SEMA4B: variants seen among roughly 807,000 people sequenced by gnomAD.
SEMA4B encodes semaphorin-4B.
A neutral mutation model predicts 88.1 loss-of-function variants in SEMA4B; 55 were observed. The observed-to-expected ratio is 0.62, with a 90% CI of 0.50 to 0.78. SEMA4B has a LOEUF of 0.78. SEMA4B is among the 30% of genes least tolerant of loss of function. SEMA4B has a pLI of 0.00. For synonymous variants in SEMA4B, 525 were observed against 473.6 expected (o/e 1.11, Z -1.41); for missense variants, 1,062 against 1,111.9 (o/e 0.96, Z 0.64).
At chr15:90,219,459 CTTGG>C (rs1961693409) in intron 3 of SEMA4B, 1 of 238,516 alleles carries the variant, frequency 4.2e-6, no homozygotes, top group South Asian at 7.3e-5. Flanking sequence ...CAGCTCCCAG[CTTGG>C]TTGGGAGGGG....
At chr15:90,189,096 G>A (rs1960270344) in intron 1 of SEMA4B, among the ~76,000 whole-genome samples, 1 of 151,962 alleles carries the variant, frequency 6.6e-6, no homozygotes, top group African/African-American at 2.4e-5. Context: ...CAAGAAATAT[G>A]TGTTGCATGA....
chr15:90,188,922 G>A (rs1465463690), intron 1 of SEMA4B, among the ~76,000 whole-genome samples: 4 of 152,130 alleles, frequency 2.6e-5, no homozygotes, highest in Non-Finnish European at 5.9e-5. Flanking sequence ...GCCCGCCTCA[G>A]CCTCCCAAAG....
chr15:90,195,924 C>CTTTTTTTTT (rs776885861), intron 1 of SEMA4B, among the ~76,000 whole-genome samples: 3 of 76,692 alleles, frequency 3.9e-5, no homozygotes, highest in African/African-American at 1.3e-4. Flanking sequence ...TTGTACTTCT[C>CTTTTTTTTT]TTTTTTTTTT....
At chr15:90,222,256 T>C (rs1471870216) in intron 7 of SEMA4B, among the ~76,000 whole-genome samples, 3 of 144,468 alleles carry the variant, frequency 2.1e-5, no homozygotes, top group African/African-American at 2.5e-5. Context: ...TTTCTTTTCT[T>C]TTTTTTTTTT....
chr15:90,206,907 C>T, intron 1 of SEMA4B: 3 of 685,222 alleles, frequency 4.4e-6, no homozygotes, highest in Non-Finnish European at 5.3e-6. Flanking sequence ...TAGTTAAGGA[C>T]TATGGCAAGG....
At chr15:90,209,826 C>T (rs1019584763) in intron 1 of SEMA4B, among the ~76,000 whole-genome samples, 4 of 68,560 alleles carry the variant, frequency 5.8e-5, no homozygotes, top group Admixed American at 1.6e-4. Context: ...CTGAACAGAC[C>T]GGAGATGAGA....
chr15:90,197,531 G>A (rs1001421876), upstream of SEMA4B, among the ~76,000 whole-genome samples: 4 of 145,418 alleles, frequency 2.8e-5, no homozygotes, highest in South Asian at 2.1e-4. Flanking sequence ...TCCGCCTCCC[G>A]GGTTCACGCC....
In SEMA4B at chr15:90,212,512, A is replaced by G. The variant is rs1250955409; in HGVS notation, c.158-4927A>G. ...GACACTCTTTGACACAAGGGAGAGC[A>G]TAAAAGCTTAAGACTGACCCCAAGG... On this transcript the variant is annotated intron_variant, in intron 1 of 13. Coordinates refer to ENST00000411539, the MANE Select transcript of SEMA4B (RefSeq NM_198925.4). The surrounding 1 kb of genome is among the most constrained non-coding windows in gnomAD (Gnocchi z 4.0). 6.6e-6 allele frequency among the ~76,000 whole-genome samples: 1 copy of G among 151,952 alleles called. No individual in the cohort carries two copies. Among genetic ancestry groups the G allele is most frequent in the East Asian group, 1.9e-4 (1 of 5,198 alleles).
intron 9 of SEMA4B, 86 bp downstream of exon 9, chr15:90,224,074 G>A (rs1325126231): frequency 7.5e-6 from 10 of 1,336,566 alleles, no homozygotes; most frequent in African/African-American, 4.4e-5. Context: ...GCCTAGCCTC[G>A]GGCAGATCAC....
rs749883757 is a variant in SEMA4B, at chr15:90,217,620, G to C, written c.321+18G>C. The C allele has an allele frequency of 1.4e-5, 23 of 1,612,828 alleles. 1 individual carries two copies. The South Asian group carries it at 2.5e-4, about 18-fold the overall frequency. On this transcript the variant is annotated intron_variant, in intron 2 of 13. Transcript: ENST00000411539. ...ACCAGGAGGTGAGAGATGTTGCCTGGAGCTGGCTAGGCTGGGCAGAGGACC... is the reference window on the plus strand; with the variant it reads ...ACCAGGAGGTGAGAGATGTTGCCTGCAGCTGGCTAGGCTGGGCAGAGGACC...
chr15:90,202,075 C>A (rs1041389983), intron 1 of SEMA4B, among the ~76,000 whole-genome samples: 1 of 152,270 alleles, frequency 6.6e-6, no homozygotes, highest in Non-Finnish European at 1.5e-5. Context: ...CGCGGTGCCG[C>A]CCCCGAGGGC....
rs143838358 is a variant in SEMA4B, at chr15:90,214,493, C to T, written c.158-2946C>T. Among the ~76,000 whole-genome samples, 262 of 151,902 alleles carry T rather than the reference C, an allele frequency of 1.7e-3. 3 individuals carry two copies. Among genetic ancestry groups the T allele is most frequent in the African/African-American group, 6.0e-3 (250 of 41,422 alleles). On this transcript the variant is annotated intron_variant, in intron 1 of 13. Coordinates refer to ENST00000411539, the MANE Select transcript of SEMA4B (RefSeq NM_198925.4). Reference sequence around the variant, plus strand: ...TCTCTACTAAAAATACTTTGCCGGGCGTGGTGACATATGCCTGTAATCCCA... The same window carrying T: ...TCTCTACTAAAAATACTTTGCCGGGTGTGGTGACATATGCCTGTAATCCCA...
upstream of SEMA4B, among the ~76,000 whole-genome samples, chr15:90,198,241 G>C (rs111984895): frequency 1.3e-5 from 2 of 152,084 alleles, no homozygotes; most frequent in Admixed American, 6.6e-5. Flanking sequence ...TTGGACCAAA[G>C]TTGATATAAA....
chr15:90,224,929 G>A (rs751417722), intron 9 of SEMA4B, 39 bp from the exon 10 acceptor site: 70 of 1,561,846 alleles, frequency 4.5e-5, no homozygotes, highest in Admixed American at 1.0e-4. Flanking sequence ...CTGCCACCCC[G>A]AGGTGTGGCT....
upstream of SEMA4B, among the ~76,000 whole-genome samples, chr15:90,199,313 T>A (rs1259982304): frequency 2.0e-5 from 3 of 152,012 alleles, no homozygotes; most frequent in Non-Finnish European, 4.4e-5. Context: ...CCTAGGGAGC[T>A]GGGAAGTGGT....
At chr15:90,202,085 C>T (rs1049546328) in intron 1 of SEMA4B, among the ~76,000 whole-genome samples, 1 of 152,244 alleles carries the variant, frequency 6.6e-6, no homozygotes, top group African/African-American at 2.4e-5. Context: ...CCCCCGAGGG[C>T]GGCTCGGGGT....
intron 1 of SEMA4B, among the ~76,000 whole-genome samples, chr15:90,202,753 T>C (rs1457256228): frequency 6.6e-6 from 1 of 152,214 alleles, no homozygotes; most frequent in East Asian, 1.9e-4. Context: ...GGTTGTCATA[T>C]TGTATGACTT....
At chr15:90,215,047 G>A (rs2151611194) in intron 1 of SEMA4B, 5 of 1,233,674 alleles carry the variant, frequency 4.1e-6, no homozygotes, top group African/African-American at 3.1e-5. Flanking sequence ...GAGACTGTTT[G>A]TGTGGTCATA....
intron 7 of SEMA4B, among the ~76,000 whole-genome samples, chr15:90,222,509 G>A (rs1961912819): frequency 6.6e-6 from 1 of 151,962 alleles, no homozygotes; most frequent in South Asian, 2.1e-4. Flanking sequence ...GGTGGAGGTT[G>A]CAGTGAGCCG....
Sources: gnomAD v4.1 joint callset for allele counts (sites outside exome capture counted in the v4.1 genomes callset) on GRCh38, gnomAD v4.1.1 for gene constraint, Gnocchi (gnomAD v3.1) non-coding constraint, MANE v1.5 for transcripts, NCBI Gene and HGNC (gene_info 2026-07-23, HGNC 2026-07-21) for gene names.